Variants in PIK3C2B observed in about 807,000 individuals in gnomAD.
The protein encoded by PIK3C2B is phosphatidylinositol-4-phosphate 3-kinase catalytic subunit type 2 beta, also known as phosphatidylinositol 4-phosphate 3-kinase C2 domain-containing subunit beta.
Under a neutral mutation model 184.3 loss-of-function variants are expected in PIK3C2B, and 83 were observed. That is an observed-to-expected ratio of 0.45 (90% CI 0.38 to 0.54). PIK3C2B has a LOEUF of 0.54. PIK3C2B is among the 20% of genes least tolerant of loss of function. PIK3C2B has a pLI of 0.00. For synonymous variants in PIK3C2B, 779 were observed against 837.6 expected (o/e 0.93, Z 1.21); for missense variants, 1,736 against 2,113.5 (o/e 0.82, Z 3.50).
At position 204,446,002 on chromosome 1, in the gene PIK3C2B, A is replaced by G; in HGVS notation, c.2632T>C (p.Trp878Arg). 2 of 1,588,098 alleles carry G rather than the reference A, an allele frequency of 1.3e-6. No individual in the cohort carries two copies. The highest frequency in any genetic ancestry group is 1.7e-6 in the Non-Finnish European group (2 of 1,162,946). ...LPDIYVLLKQWTHMNHQDALG... is the reference protein window; with the variant it reads ...LPDIYVLLKQRTHMNHQDALG... The stretch of plus-strand genomic sequence containing the variant: ...GCATCCTGGTGGTTCATGTGGGTCC[A>G]CTGCTTCAGGAGAACATAGATGTCA... Residue 878 changes from tryptophan to arginine, a missense_variant, in exon 16 of 33, where the codon TGG (tryptophan) becomes CGG (arginine). By Grantham distance (101) the Trp-to-Arg change is moderately radical. Transcript: ENST00000684373.
Position 204,469,417 on chromosome 1 carries a change from T to C in PIK3C2B, c.386A>G (p.Tyr129Cys). 2 of 1,553,664 alleles carry C rather than the reference T, an allele frequency of 1.3e-6. No homozygotes were observed. The highest frequency in any genetic ancestry group is 2.5e-5 in the South Asian group (2 of 78,820). The change falls in exon 2 of 33, where the codon TAC becomes TGC. Residue 129 changes from tyrosine to cysteine, a missense_variant. Transcript: ENST00000684373. ...PKGSLSGDYL[Y>C]IFDGSDGGVS... ...TCCCCCATCTGAACCATCAAAAATGTAGAGATAGTCTCCAGACAGGGAGCC... is the reference window on the plus strand; with the variant it reads ...TCCCCCATCTGAACCATCAAAAATGCAGAGATAGTCTCCAGACAGGGAGCC...
At chr1:204,451,943 G>T (rs1011597371) in intron 12 of PIK3C2B, among the ~76,000 whole-genome samples, 4 of 152,180 alleles carry the variant, frequency 2.6e-5, no homozygotes, top group African/African-American at 9.7e-5. Flanking sequence ...ACCATTCTAG[G>T]TTGAAAGACC....
At position 204,470,521 on chromosome 1, in the gene PIK3C2B, T is replaced by G. The variant is rs1656228389; in HGVS notation, c.-84-635A>C. ...AGAGATGGAAGCAAAGCTTCTCCAGTCAATTTGAAGAGGACAGCTCTCATA... is the reference window on the plus strand; with the variant it reads ...AGAGATGGAAGCAAAGCTTCTCCAGGCAATTTGAAGAGGACAGCTCTCATA... On this transcript the variant is annotated intron_variant, in intron 1 of 32. Coordinates refer to ENST00000684373, the MANE Select transcript of PIK3C2B (RefSeq NM_001377334.1). Among the ~76,000 whole-genome samples, 2 of 152,202 alleles carry G rather than the reference T, an allele frequency of 1.3e-5. 1 individual carries two copies. Among genetic ancestry groups the G allele is most frequent in the South Asian group, 4.1e-4 (2 of 4,832 alleles).
rs1654003924 is a variant in PIK3C2B at position 204,447,773 on chromosome 1, A to G, written c.2347-195T>C. 6.6e-6 allele frequency among the ~76,000 whole-genome samples: 1 copy of G among 152,218 alleles called. No homozygotes were observed. Among genetic ancestry groups the G allele is most frequent in the Admixed American group, 6.5e-5 (1 of 15,290 alleles). ...TAACTCTCAGCAAAAAATGAGAGGGAAACAAAAAGAGAAAAAGAATGGACA... is the reference window on the plus strand; with the variant it reads ...TAACTCTCAGCAAAAAATGAGAGGGGAACAAAAAGAGAAAAAGAATGGACA... On this transcript the variant is annotated intron_variant, in intron 14 of 32. Transcript: ENST00000684373. This position sits in a 1 kb window ranked among gnomAD's most constrained non-coding sequence, Gnocchi z 4.1.
intron 28 of PIK3C2B, among the ~76,000 whole-genome samples, chr1:204,430,778 C>A (rs541630359): frequency 2.0e-5 from 3 of 152,122 alleles, no homozygotes; most frequent in African/African-American, 2.4e-5. Context: ...CCTGCCTCAG[C>A]CTCCTGAGTA....
At chr1:204,468,225 G>A (rs1655981047) in intron 2 of PIK3C2B, among the ~76,000 whole-genome samples, 1 of 152,024 alleles carries the variant, frequency 6.6e-6, no homozygotes, top group Non-Finnish European at 1.5e-5. Context: ...TTTACGTTAC[G>A]TATATTTTAT....
intron 5 of PIK3C2B, among the ~76,000 whole-genome samples, chr1:204,461,851 G>C (rs906137454): frequency 6.6e-6 from 1 of 152,108 alleles, no homozygotes; most frequent in Non-Finnish European, 1.5e-5. Flanking sequence ...TCTGAGAGCA[G>C]CCTGCATCCT....
At chr1:204,449,375 T>C (rs986350986) in intron 13 of PIK3C2B, 79 bp from the exon 14 acceptor site, 6 of 1,065,076 alleles carry the variant, frequency 5.6e-6, no homozygotes, top group Non-Finnish European at 8.5e-6. Flanking sequence ...AATCCAAAAA[T>C]CTGCCTTTTC....
Position 204,449,942 on chromosome 1 carries a change from G to C in PIK3C2B, c.2142C>G (p.Ile714Met), listed in dbSNP as rs893981470. 1 of 1,612,036 alleles carries C rather than the reference G, an allele frequency of 6.2e-7. No individual in the cohort carries two copies. The change falls in exon 13 of 33, where the codon ATC becomes ATG. Residue 714 changes from isoleucine to methionine, a missense_variant. Physicochemically the swap from Ile to Met is conservative, Grantham distance 10. Coordinates refer to ENST00000684373, the MANE Select transcript of PIK3C2B (RefSeq NM_001377334.1). The part of the protein sequence containing the change: ...LLCATLYALP[I>M]PPPGSSSEAN... ...CCTCTGAGGAGCTCCCCGGTGGGGG[G>C]ATGGGCAGAGCATAGAGAGTGGCAC...
At position 204,469,890 on chromosome 1, in the gene PIK3C2B, C is replaced by G. The variant is rs759544729; in HGVS notation, c.-84-4G>C. The G allele has an allele frequency of 9.1e-6, 7 of 768,188 alleles. No individual in the cohort carries two copies. The African/African-American group carries it at 1.2e-4, about 13-fold the overall frequency. The allele number at this position is 768,188 out of a possible 1,614,324, so 47.6% of individuals were successfully genotyped here. A position where few individuals can be genotyped will look rare whatever the true frequency, so the allele number is the denominator to read the frequency against. Reference sequence around the variant, plus strand: ...TTGTGACATGGTGTCTGGGCGCCTGCAGGTGAGGGGTAAAAATATCAATCA... The same window carrying G: ...TTGTGACATGGTGTCTGGGCGCCTGGAGGTGAGGGGTAAAAATATCAATCA... On this transcript the variant is annotated splice_region_variant and splice_polypyrimidine_tract_variant and intron_variant, in intron 1 of 32. Transcript: ENST00000684373.
intron 1 of PIK3C2B, among the ~76,000 whole-genome samples, chr1:204,493,182 G>T (rs1453007193): frequency 3.3e-5 from 5 of 152,130 alleles, no homozygotes; most frequent in Non-Finnish European, 5.9e-5. Flanking sequence ...TTTTCATTCA[G>T]CACTGATTCA....
chr1:204,467,055 G>C (rs575461247), intron 2 of PIK3C2B: 29 of 436,388 alleles, frequency 6.6e-5, no homozygotes, highest in African/African-American at 4.9e-4. Context: ...CTCAGAACTG[G>C]CAAGAGCTTT....
Position 204,447,035 on chromosome 1 carries a change from G to C in PIK3C2B, c.2489+401C>G, listed in dbSNP as rs1653935005. ...CTTGACACCTGATCCTTTTTGGAAA[G>C]TGACAGGGCCAGAAAAATTCAAAGG... is the stretch of plus-strand genomic sequence containing the variant. On this transcript the variant is annotated intron_variant, in intron 15 of 32. Coordinates refer to ENST00000684373, the MANE Select transcript of PIK3C2B (RefSeq NM_001377334.1). This position sits in a 1 kb window ranked among gnomAD's most constrained non-coding sequence, Gnocchi z 4.1. Among the ~76,000 whole-genome samples, 1 of 151,896 alleles carries C rather than the reference G, an allele frequency of 6.6e-6. No individual in the cohort carries two copies. The highest frequency in any genetic ancestry group is 2.4e-5 in the African/African-American group (1 of 41,332).
intron 10 of PIK3C2B, 58 bp from the exon 11 acceptor site, chr1:204,456,109 T>C: frequency 6.9e-7 from 1 of 1,448,196 alleles, no homozygotes. Flanking sequence ...CCCTACCTTG[T>C]TGCCATGGCA....
intron 1 of PIK3C2B, among the ~76,000 whole-genome samples, chr1:204,474,085 G>A (rs895562014): frequency 1.4e-5 from 2 of 141,354 alleles, no homozygotes; most frequent in African/African-American, 2.6e-5. Flanking sequence ...TCCGCCTCCC[G>A]GGTTCAAGCG....
chr1:204,465,169 C>CCCCCACCCCCCAAGCCCA, intron 3 of PIK3C2B, 50 bp downstream of exon 3: 1 of 760,070 alleles, frequency 1.3e-6, no homozygotes, highest in Non-Finnish European at 2.3e-6. Context: ...TGGCCCCCCT[C>CCCCCACCCCCCAAGCCCA]CCCATCCCCC....
At position 204,440,182 on chromosome 1, in the gene PIK3C2B, C is replaced by A; in HGVS notation, c.3379+10G>T. 1 of 1,610,618 alleles carries A rather than the reference C, an allele frequency of 6.2e-7. No individual in the cohort carries two copies. Reference sequence around the variant, plus strand: ...CCCCTCCTCCACCCTCACCCCTACTCCCAACTGACCTCTGCCCCGGCCGGT... The same window carrying A: ...CCCCTCCTCCACCCTCACCCCTACTACCAACTGACCTCTGCCCCGGCCGGT... On this transcript the variant is annotated intron_variant, in intron 22 of 32. Coordinates refer to ENST00000684373, the MANE Select transcript of PIK3C2B (RefSeq NM_001377334.1).
chr1:204,477,591 T>C (rs1201942695), intron 1 of PIK3C2B, among the ~76,000 whole-genome samples: 1 of 152,122 alleles, frequency 6.6e-6, no homozygotes, highest in African/African-American at 2.4e-5. Context: ...CTCCCTCCAG[T>C]GGAGCTGGCT....
At chr1:204,454,189 C>T (rs1654614604) in intron 12 of PIK3C2B, among the ~76,000 whole-genome samples, 1 of 151,894 alleles carries the variant, frequency 6.6e-6, no homozygotes, top group Non-Finnish European at 1.5e-5. Flanking sequence ...CTTTAAGAGT[C>T]AGGGAAGTGG....
Sources: gnomAD v4.1 joint callset for allele counts (sites outside exome capture counted in the v4.1 genomes callset) on GRCh38, gnomAD v4.1.1 for gene constraint, Gnocchi (gnomAD v3.1) non-coding constraint, MANE v1.5 for transcripts, NCBI Gene and HGNC (gene_info 2026-07-23, HGNC 2026-07-21) for gene names.